VAMP4: variants seen among roughly 807,000 people sequenced by gnomAD.
VAMP4 encodes the protein vesicle-associated membrane protein 4.
VAMP4 carries 19 observed loss-of-function variants against 23.5 expected under a neutral mutation model. That is an observed-to-expected ratio of 0.81 (90% confidence interval 0.56 to 1.19). The LOEUF (loss-of-function observed/expected upper bound fraction) is 1.19, where lower values mean the gene tolerates loss of function less well. Ranked by LOEUF, VAMP4 falls within the 50% of genes most tolerant of loss-of-function variation. The probability of loss-of-function intolerance (pLI) is 0.00; values close to 1 mark genes in which losing one functional copy is unlikely to be tolerated. For synonymous variants in VAMP4, 31 were observed against 51.0 expected (o/e 0.61, Z 1.67); for missense variants, 145 against 168.6 (o/e 0.86, Z 0.78).
chr1:171,706,362 C>T lies in VAMP4; in HGVS notation c.397+5G>A. The T allele has an allele frequency of 6.2e-7, 1 of 1,606,534 alleles. No individual in the cohort carries two copies. Among genetic ancestry groups the T allele is most frequent in the Non-Finnish European group, 8.5e-7 (1 of 1,176,496 alleles). The stretch of plus-strand genomic sequence containing the variant: ...CTAGGAAGTAATAATCCAATAAATA[C>T]TTACTGATAATCACTAGCAAAAGGA... On this transcript the variant is annotated splice_donor_5th_base_variant and intron_variant, in intron 7 of 7. Transcript: ENST00000236192.
chr1:171,732,275 C>T (rs1655587594), intron 2 of VAMP4, among the ~76,000 whole-genome samples: 1 of 151,128 alleles, frequency 6.6e-6, no homozygotes, highest in Admixed American at 6.6e-5. Flanking sequence ...AATCCCAGCA[C>T]TTTGGGAGGC....
In VAMP4 at chr1:171,736,760, T is replaced by C. The variant is rs367951147; in HGVS notation, c.66+1589A>G. Among the ~76,000 whole-genome samples the C allele has an allele frequency of 2.6e-3, 390 of 152,280 alleles. 17 individuals are homozygous for C. The South Asian group carries it at 0.08, about 31-fold the overall frequency. On this transcript the variant is annotated intron_variant, in intron 2 of 7. Transcript: ENST00000236192. ...GGGAGGCCAAGGCAGGTGGATTACT[T>C]GAGCTCAGGAATTTGAGACCAGCCT...
chr1:171,741,823 T>G (rs999312715), intron 1 of VAMP4, 87 bp downstream of exon 1: 2 of 152,014 alleles, frequency 1.3e-5, no homozygotes, highest in African/African-American at 4.8e-5. Context: ...GACTAGGACG[T>G]CGGGGGGCGG....
At chr1:171,708,791 G>A (rs188666604) in intron 6 of VAMP4, among the ~76,000 whole-genome samples, 8 of 149,900 alleles carry the variant, frequency 5.3e-5, no homozygotes, top group African/African-American at 1.7e-4. Context: ...CAGAAGAATC[G>A]CTTGAACCCT....
In VAMP4 at chr1:171,702,937, A is replaced by C. The variant is rs1474736760; in HGVS notation, c.*1569T>G. On this transcript the variant is annotated 3_prime_UTR_variant, in exon 8 of 8. Coordinates refer to ENST00000236192, the MANE Select transcript of VAMP4 (RefSeq NM_003762.5). ...TGTCTCAGTCTGCTTTCTCTCTTCA[A>C]ATTTTTTCCATTCTAAACAGCATTT... The C allele has an allele frequency of 6.6e-6, 1 of 151,858 alleles. No homozygotes were observed. The highest frequency in any genetic ancestry group is 1.5e-5 in the Non-Finnish European group (1 of 67,844). The allele number at this position is 151,858 out of a possible 1,614,324, so 9.4% of individuals were successfully genotyped here.
intron 1 of VAMP4, among the ~76,000 whole-genome samples, chr1:171,740,979 T>C (rs548960076): frequency 1.3e-5 from 2 of 152,306 alleles, no homozygotes; most frequent in South Asian, 2.1e-4. Context: ...ATCAAACAAC[T>C]AGTAGAAATA....
chr1:171,719,863 T>G (rs1655134352), intron 3 of VAMP4, among the ~76,000 whole-genome samples: 1 of 152,028 alleles, frequency 6.6e-6, no homozygotes, highest in Non-Finnish European at 1.5e-5. Flanking sequence ...TTAATATTCT[T>G]GAAATGAAAA....
intron 1 of VAMP4, among the ~76,000 whole-genome samples, chr1:171,739,562 G>A (rs933853454): frequency 1.3e-5 from 2 of 152,220 alleles, no homozygotes; most frequent in Non-Finnish European, 2.9e-5. Context: ...TGGAAACACA[G>A]GTAAAACAAC....
At chr1:171,736,577 G>A (rs1455808218) in intron 2 of VAMP4, among the ~76,000 whole-genome samples, 2 of 152,146 alleles carry the variant, frequency 1.3e-5, no homozygotes, top group African/African-American at 4.8e-5. Context: ...GAAATCATTG[G>A]TGACTCCTTA....
chr1:171,722,541 A>T (rs950965350), intron 3 of VAMP4, among the ~76,000 whole-genome samples: 3 of 152,216 alleles, frequency 2.0e-5, no homozygotes, highest in Non-Finnish European at 4.4e-5. Context: ...TCTACAAAGA[A>T]CGTAAAGAAA....
At chr1:171,710,849 C>G (rs767245212) in intron 4 of VAMP4, 35 bp from the exon 5 acceptor site, 1 of 1,472,070 alleles carries the variant, frequency 6.8e-7, no homozygotes, top group Non-Finnish European at 9.3e-7. Context: ...ATTTATCCTT[C>G]TTTTGAGAAT....
chr1:171,738,849 A>G (rs575005520), intron 1 of VAMP4, among the ~76,000 whole-genome samples: 1 of 152,236 alleles, frequency 6.6e-6, no homozygotes, highest in Admixed American at 6.5e-5. Flanking sequence ...TGGTTGCTTA[A>G]GCAATGATTC....
chr1:171,734,261 C>A (rs1380122093), intron 2 of VAMP4, among the ~76,000 whole-genome samples: 3 of 132,446 alleles, frequency 2.3e-5, no homozygotes, highest in Admixed American at 7.6e-5. Context: ...GAGGGAGACT[C>A]CGTCTCAAAA....
rs1341320671 is a variant in VAMP4 at position 171,703,442 on chromosome 1, TATATATATATATATATATATATATATAC to T, written c.*1036_*1063del. On this transcript the variant is annotated 3_prime_UTR_variant, in exon 8 of 8. Coordinates refer to ENST00000236192, the MANE Select transcript of VAMP4 (RefSeq NM_003762.5). ...GTTTGTGTGTATATATATATATATA[TATATATATATATATATATATATATATAC>T]ACATAGGTTCCTGACTTTCTACTAC... 1.3e-5 allele frequency: 1 copy of T among 74,894 alleles called. No individual in the cohort carries two copies. The highest frequency in any genetic ancestry group is 5.2e-5 in the African/African-American group (1 of 19,344). 4.6% of individuals were successfully genotyped at this position (74,894 alleles called of 1,614,324 possible).
intron 2 of VAMP4, among the ~76,000 whole-genome samples, chr1:171,730,940 C>T (rs1260243677): frequency 6.6e-6 from 1 of 152,054 alleles, no homozygotes; most frequent in African/African-American, 2.4e-5. Flanking sequence ...CGCAGTGGCT[C>T]ACGCCTGTAA....
chr1:171,741,178 T>C (rs1655911961), intron 1 of VAMP4, among the ~76,000 whole-genome samples: 1 of 152,242 alleles, frequency 6.6e-6, no homozygotes, highest in Admixed American at 6.5e-5. Flanking sequence ...ATGCTTCTTA[T>C]ACATCAGCAT....
In VAMP4 at chr1:171,710,776, T is replaced by G. The variant is rs1052670; in HGVS notation, c.203A>C (p.Gln68Pro). Residue 68 changes from glutamine (Q) to proline (P), a missense_variant, in exon 5 of 8, where the codon CAA (glutamine) becomes CCA (proline). Transcript: ENST00000236192. The part of the protein sequence containing the change: ...NQVDEVIDVM[Q>P]ENITKVIERG... ...CTCAATTACCTTTGTAATATTTTCT[T>G]GCATGACATCAATAACTTCATCCAC... 6.2e-7 allele frequency: 1 copy of G among 1,610,156 alleles called. No homozygotes were observed. The highest frequency in any genetic ancestry group is 8.5e-7 in the Non-Finnish European group (1 of 1,178,200).
chr1:171,719,136 T>A (rs1655108252), intron 4 of VAMP4, 35 bp downstream of exon 4: 1 of 1,594,680 alleles, frequency 6.3e-7, no homozygotes, highest in Non-Finnish European at 8.6e-7. Flanking sequence ...TACACAGAAA[T>A]ATGATTATCA....
chr1:171,720,607 G>A (rs963123475), intron 3 of VAMP4, among the ~76,000 whole-genome samples: 12 of 151,934 alleles, frequency 7.9e-5, no homozygotes, highest in East Asian at 3.8e-4. Flanking sequence ...TAAGTGAAGC[G>A]TAGATAGGAA....
Sources: allele counts gnomAD v4.1 joint callset (sites outside exome capture counted in the v4.1 genomes callset), GRCh38; gene constraint gnomAD v4.1.1; transcripts MANE v1.5; gene names NCBI Gene and HGNC (gene_info 2026-07-23, HGNC 2026-07-21).